The following NDUFA10 variants were observed in gnomAD, a reference collection of about 807,000 sequenced individuals.
NDUFA10 encodes the protein NADH dehydrogenase [ubiquinone] 1 alpha subcomplex subunit 10, mitochondrial.
Under a neutral mutation model 47.8 loss-of-function variants are expected in NDUFA10, and 40 were observed. The observed-to-expected ratio is 0.84, with a 90% CI of 0.65 to 1.09. The LOEUF is 1.09. Ranked by LOEUF, NDUFA10 falls within the 50% of genes least tolerant of loss-of-function variation. The probability of loss-of-function intolerance (pLI) is 0.00; values close to 1 mark genes in which losing one functional copy is unlikely to be tolerated. For missense variants in NDUFA10, 413 were observed against 451.1 expected (o/e 0.92, Z 0.76); for synonymous variants, 183 against 172.2 (o/e 1.06, Z -0.49).
chr2:239,896,774 C>A (rs1693406972), intron 4 of NDUFA10, among the ~76,000 whole-genome samples: 1 of 152,080 alleles, frequency 6.6e-6, no homozygotes, highest in African/African-American at 2.4e-5. Flanking sequence ...AAGATGCAGA[C>A]CAAGTCATCT....
chr2:239,969,843 A>G (rs1156472341), intron 9 of NDUFA10: 1 of 460,240 alleles, frequency 2.2e-6, no homozygotes, highest in African/African-American at 2.0e-5. Context: ...AGCAGAAACT[A>G]TCCAAAATTA....
At chr2:239,909,856 C>T (rs935346074) in intron 4 of NDUFA10, among the ~76,000 whole-genome samples, 16 of 151,372 alleles carry the variant, frequency 1.1e-4, no homozygotes, top group South Asian at 4.2e-4. Context: ...TCTACCCATC[C>T]GACAAAGATC....
intron 1 of NDUFA10, 93 bp downstream of exon 1, chr2:240,025,134 C>A: frequency 8.4e-7 from 1 of 1,191,940 alleles, no homozygotes; most frequent in South Asian, 1.8e-5. Context: ...TGGGAGCCGC[C>A]GCCAGAGGCC....
At chr2:239,983,549 T>C (rs1307197115) in intron 9 of NDUFA10, 3 of 1,601,650 alleles carry the variant, frequency 1.9e-6, no homozygotes, top group Non-Finnish European at 1.7e-6. Context: ...GTGGTGTGCA[T>C]GGGGCTTTCT....
chr2:239,931,123 T>G (rs1340859855), intron 4 of NDUFA10, among the ~76,000 whole-genome samples: 1 of 152,206 alleles, frequency 6.6e-6, no homozygotes, highest in East Asian at 1.9e-4. Flanking sequence ...GGCTTTTCCC[T>G]GTGAGCATCT....
chr2:239,950,426 G>A (rs1694531994), intron 4 of NDUFA10, among the ~76,000 whole-genome samples: 1 of 152,170 alleles, frequency 6.6e-6, no homozygotes, highest in South Asian at 2.1e-4. Context: ...CTGCCCCCTC[G>A]GGGCATGACC....
chr2:239,999,363 C>A (rs1387547000), intron 8 of NDUFA10, among the ~76,000 whole-genome samples: 1 of 152,208 alleles, frequency 6.6e-6, no homozygotes, highest in Non-Finnish European at 1.5e-5. Context: ...TACCATTCCT[C>A]CAAGGTGCTC....
intron 4 of NDUFA10, among the ~76,000 whole-genome samples, chr2:239,911,679 G>GTGTGTGTGTGT (rs201263934): frequency 6.7e-6 from 1 of 150,248 alleles, no homozygotes; most frequent in African/African-American, 2.5e-5. Flanking sequence ...GAGTGTGTGT[G>GTGTGTGTGTGT]CGTGTGTGTG....
intron 4 of NDUFA10, among the ~76,000 whole-genome samples, chr2:239,899,350 T>G (rs1574762759): frequency 2.4e-5 from 1 of 40,984 alleles, no homozygotes; most frequent in South Asian, 1.1e-3. Flanking sequence ...AAAGGAGGGG[T>G]GTGATGGAGG....
intron 4 of NDUFA10, among the ~76,000 whole-genome samples, chr2:239,925,358 G>C (rs1559286492): frequency 6.6e-6 from 1 of 152,130 alleles, no homozygotes. Context: ...AAAGAACCTA[G>C]AAACAGATCC....
intron 4 of NDUFA10, among the ~76,000 whole-genome samples, chr2:239,929,739 G>A (rs1174544077): frequency 7.0e-6 from 1 of 142,128 alleles, no homozygotes; most frequent in Non-Finnish European, 1.5e-5. Flanking sequence ...CACCAGCCCT[G>A]CTTCTCCACT....
chr2:240,007,405 CTT>C (rs1553571217), intron 6 of NDUFA10, 35 bp from the exon 7 acceptor site: 17 of 1,433,128 alleles, frequency 1.2e-5, no homozygotes, highest in Non-Finnish European at 1.6e-5. Context: ...TCAGTGTAAA[CTT>C]TTCCAAGCTG....
intron 4 of NDUFA10, among the ~76,000 whole-genome samples, chr2:239,924,265 C>T (rs1053735638): frequency 2.0e-5 from 3 of 151,896 alleles, no homozygotes; most frequent in African/African-American, 7.3e-5. Context: ...TATCAATATC[C>T]TTCATGAACT....
At chr2:239,914,874 TACTCACAC>T (rs1206715002) in intron 4 of NDUFA10, among the ~76,000 whole-genome samples, 4 of 91,890 alleles carry the variant, frequency 4.4e-5, no homozygotes, top group East Asian at 6.4e-4. Flanking sequence ...CATACAGAGA[TACTCACAC>T]AAACATACAC....
intron 8 of NDUFA10, among the ~76,000 whole-genome samples, chr2:239,994,645 T>C (rs533898593): frequency 6.6e-6 from 1 of 152,292 alleles, no homozygotes; most frequent in African/African-American, 2.4e-5. Context: ...CCAGTCTGTG[T>C]AAAAACTGCC....
chr2:240,013,270 T>C (rs1362614549), intron 5 of NDUFA10: 2 of 152,228 alleles, frequency 1.3e-5, no homozygotes, highest in Non-Finnish European at 2.9e-5. Context: ...TTACTGATAA[T>C]GTGATGTCTT....
chr2:239,991,421 A>C (rs762333408), intron 8 of NDUFA10, among the ~76,000 whole-genome samples: 8 of 152,222 alleles, frequency 5.3e-5, no homozygotes, highest in Non-Finnish European at 1.2e-4. Context: ...AAATGGCTGT[A>C]ATGTACATAC....
At chr2:240,005,171 A>G (rs1331490238) in intron 8 of NDUFA10, 39 bp downstream of exon 8, 6 of 1,529,980 alleles carry the variant, frequency 3.9e-6, no homozygotes, top group Non-Finnish European at 5.4e-6. Context: ...ATGCAAGTAG[A>G]CCCCAGACAT....
At chr2:240,017,894 A>G (rs1433237242) in intron 4 of NDUFA10, 2 of 1,566,190 alleles carry the variant, frequency 1.3e-6, no homozygotes, top group East Asian at 2.4e-5. Context: ...CACTGGCTCC[A>G]GCCACCCCAG....
Sources: allele counts gnomAD v4.1 joint callset (sites outside exome capture counted in the v4.1 genomes callset), GRCh38; gene constraint gnomAD v4.1.1; transcripts MANE v1.5; gene names NCBI Gene and HGNC (gene_info 2026-07-23, HGNC 2026-07-21).